The following STK31 variants were observed in gnomAD, a reference collection of about 807,000 sequenced individuals.
The protein encoded by STK31 is serine/threonine kinase 31.
Under a neutral mutation model 129.7 loss-of-function variants are expected in STK31, and 89 were observed. The observed-to-expected ratio is 0.69, with a 90% CI of 0.58 to 0.82. STK31 has a LOEUF of 0.82. Among genes scored for constraint, STK31 ranks in the 40% least tolerant of loss-of-function variants. The pLI, the probability that STK31 is intolerant of heterozygous loss-of-function variation, is 0.00. For missense variants in STK31, 1,187 were observed against 1,176.4 expected, an observed-to-expected ratio of 1.01 and a Z score of -0.13; for synonymous variants, 448 against 395.3, an observed-to-expected ratio of 1.13 and a Z score of -1.58.
intron 15 of STK31, among the ~76,000 whole-genome samples, chr7:23,775,363 C>T (rs1292541128): frequency 1.3e-5 from 2 of 151,996 alleles, no homozygotes; most frequent in Admixed American, 6.6e-5. Context: ...AAATTCTGTG[C>T]AGAAATTCAG....
intron 12 of STK31, 74 bp downstream of exon 12, chr7:23,769,248 G>A: frequency 7.4e-7 from 1 of 1,351,938 alleles, no homozygotes; most frequent in Admixed American, 2.9e-5. Flanking sequence ...CACGCGCTTT[G>A]TTCAAGAGCT....
At chr7:23,788,286 A>G (rs1337994929) in intron 21 of STK31, among the ~76,000 whole-genome samples, 157 bp downstream of exon 21, 3 of 152,134 alleles carry the variant, frequency 2.0e-5, no homozygotes, top group African/African-American at 2.4e-5. Context: ...CCTCAGCTAG[A>G]TGCTAGAACA....
chr7:23,804,722 C>A (rs533831710), intron 22 of STK31, among the ~76,000 whole-genome samples: 178 of 152,332 alleles, frequency 1.2e-3, no homozygotes, highest in African/African-American at 4.2e-3. Flanking sequence ...ATTTCAGTCA[C>A]TTCCCCAAAC....
intron 23 of STK31, among the ~76,000 whole-genome samples, chr7:23,824,910 T>G (rs973283723): frequency 8.6e-5 from 13 of 151,988 alleles, no homozygotes; most frequent in African/African-American, 3.1e-4. Flanking sequence ...TTATTGATTT[T>G]CATATGTTGA....
intron 7 of STK31, 50 bp downstream of exon 7, chr7:23,735,946 C>T: frequency 1.4e-6 from 2 of 1,428,970 alleles, no homozygotes; most frequent in South Asian, 1.4e-5. Context: ...AGGTCCCTGT[C>T]ATAGTAGAAT....
chr7:23,767,022 T>C (rs538826974), intron 11 of STK31, among the ~76,000 whole-genome samples: 351 of 152,332 alleles, frequency 2.3e-3, no homozygotes, highest in Middle Eastern at 6.8e-3. Context: ...ATCCATTGCA[T>C]TTTGTATGTC....
intron 22 of STK31, among the ~76,000 whole-genome samples, chr7:23,802,217 C>G (rs755335103): frequency 2.2e-4 from 33 of 152,048 alleles, no homozygotes; most frequent in Non-Finnish European, 4.1e-4. Context: ...TGAGGGAGTT[C>G]TTTGGTGTGG....
intron 8 of STK31, among the ~76,000 whole-genome samples, chr7:23,741,987 C>G (rs113146768): frequency 4.0e-4 from 61 of 152,302 alleles, no homozygotes; most frequent in African/African-American, 1.4e-3. Context: ...GGGGCACCAC[C>G]CTGGTGAACA....
intron 23 of STK31, among the ~76,000 whole-genome samples, chr7:23,816,924 G>T (rs1163670643): frequency 6.6e-6 from 1 of 152,070 alleles, no homozygotes; most frequent in Non-Finnish European, 1.5e-5. Flanking sequence ...GGTGGCTCAC[G>T]CCTGTAATCC....
At chr7:23,737,978 C>G (rs1787819161) in intron 8 of STK31, among the ~76,000 whole-genome samples, 2 of 152,054 alleles carry the variant, frequency 1.3e-5, no homozygotes, top group South Asian at 4.1e-4. Flanking sequence ...TAATTCAGCT[C>G]CATTCTGACA....
rs140201507 is a variant in STK31 at position 23,751,877 on chromosome 7, G to C, written c.1018-840G>C. 3.7e-3 allele frequency among the ~76,000 whole-genome samples: 565 copies of C among 151,090 alleles called. 8 individuals carry two copies. The highest frequency in any genetic ancestry group is 0.013 in the African/African-American group (519 of 41,146). On this transcript the variant is annotated intron_variant, in intron 8 of 23. Transcript: ENST00000355870. ...GAGTTGTTGCTTGACATTAATACAGGCATATTTGCATATAGTATTTTTATT... is the reference window on the plus strand; with the variant it reads ...GAGTTGTTGCTTGACATTAATACAGCCATATTTGCATATAGTATTTTTATT...
intron 23 of STK31, among the ~76,000 whole-genome samples, chr7:23,824,915 T>G (rs1046192846): frequency 6.6e-6 from 1 of 152,120 alleles, no homozygotes; most frequent in Non-Finnish European, 1.5e-5. Context: ...GATTTTCATA[T>G]GTTGAACCAG....
chr7:23,767,124 T>C (rs1789877784), intron 11 of STK31, among the ~76,000 whole-genome samples: 1 of 152,246 alleles, frequency 6.6e-6, no homozygotes, highest in South Asian at 2.1e-4. Flanking sequence ...CTTTCTTTTG[T>C]TGAGAATATT....
Position 23,725,509 on chromosome 7 carries a change from C to T in STK31, c.250-1732C>T, listed in dbSNP as rs377012690. Among the ~76,000 whole-genome samples, 44 of 152,014 alleles carry T rather than the reference C, an allele frequency of 2.9e-4. No homozygotes were observed. In the South Asian group the frequency reaches 9.2e-3, roughly 32 times the overall value. On this transcript the variant is annotated intron_variant, in intron 4 of 23. Coordinates refer to ENST00000355870, the MANE Select transcript of STK31 (RefSeq NM_031414.5). ...AGTGAGCTATGATCATGCCACTGCA[C>T]TCCAGCCTGGACAACAGAGTAAAAC...
intron 10 of STK31, among the ~76,000 whole-genome samples, chr7:23,758,954 A>G (rs752035922): frequency 2.4e-4 from 37 of 152,318 alleles, no homozygotes; most frequent in Non-Finnish European, 4.0e-4. Flanking sequence ...GAAATTTACC[A>G]AACAAATAGA....
intron 23 of STK31, among the ~76,000 whole-genome samples, chr7:23,827,538 C>T (rs939537336): frequency 6.6e-6 from 1 of 152,062 alleles, no homozygotes; most frequent in Non-Finnish European, 1.5e-5. Flanking sequence ...GCCATTGGTT[C>T]GAACTTCCTC....
chr7:23,785,884 AC>A (rs1390795587), intron 18 of STK31, among the ~76,000 whole-genome samples: 1 of 152,064 alleles, frequency 6.6e-6, no homozygotes, highest in Non-Finnish European at 1.5e-5. Context: ...TAGGAGAAAT[AC>A]CTAATGTAAA....
At chr7:23,760,907 C>T (rs762073196) in intron 10 of STK31, among the ~76,000 whole-genome samples, 3 of 152,118 alleles carry the variant, frequency 2.0e-5, no homozygotes, top group Non-Finnish European at 4.4e-5. Context: ...CTCAAGTAAT[C>T]CTCCTGCCTT....
In STK31 at chr7:23,769,043, G is replaced by C. The variant is rs34414354; in HGVS notation, c.1465G>C (p.Ala489Pro). Residue 489 changes from alanine (A) to proline (P), a missense_variant, in exon 12 of 24, where the codon GCA (alanine) becomes CCA (proline). By Grantham distance (27) the Ala-to-Pro change is conservative (BLOSUM62 -1). Around this residue, in one of 5 missense-constraint regions of STK31, gnomAD observed 975 missense variants for 934.9 expected, o/e 1.04. Coordinates refer to ENST00000355870, the MANE Select transcript of STK31 (RefSeq NM_031414.5). ...EAVYGQAKEG[A>P]NSDEILKKFY... The stretch of plus-strand genomic sequence containing the variant: ...AGTGTATGGACAAGCCAAAGAAGGA[G>C]CAAATTCTGATGAAATACTTAAAAA... 1.5e-4 allele frequency: 247 copies of C among 1,612,932 alleles called. 2 individuals are homozygous for C. The East Asian group carries it at 3.1e-3, about 20-fold the overall frequency.
Sources: gnomAD v4.1 joint callset for allele counts (sites outside exome capture counted in the v4.1 genomes callset) on GRCh38, gnomAD v4.1.1 for gene constraint, gnomAD v4.1.1 regional missense constraint, MANE v1.5 for transcripts, NCBI Gene and HGNC (gene_info 2026-07-23, HGNC 2026-07-21) for gene names.